The following PLOD2 variants were observed in gnomAD, a reference collection of about 807,000 sequenced individuals.
PLOD2 encodes the protein procollagen-lysine,2-oxoglutarate 5-dioxygenase 2.
In PLOD2, 65 loss-of-function variants were observed where a neutral mutation model predicts 101.0. The observed-to-expected ratio is 0.64, with a 90% CI of 0.53 to 0.79. The LOEUF (loss-of-function observed/expected upper bound fraction) is 0.79. Ranked by LOEUF, PLOD2 falls within the 30% of genes least tolerant of loss-of-function variation. The probability of loss-of-function intolerance (pLI) is 0.00; values close to 1 mark genes in which losing one functional copy is unlikely to be tolerated. For missense variants in PLOD2, 909 were observed against 914.6 expected (o/e 0.99, Z 0.08); for synonymous variants, 314 against 302.9 (o/e 1.04, Z -0.38).
chr3:146,095,564 C>T (rs1017542754), intron 7 of PLOD2, among the ~76,000 whole-genome samples: 5 of 152,110 alleles, frequency 3.3e-5, no homozygotes, highest in African/African-American at 1.2e-4. Flanking sequence ...ATAACGGATG[C>T]TGGTGAGGAT....
rs1254032852 is a variant in PLOD2 at position 146,086,859 on chromosome 3, T to C, written c.1055A>G (p.His352Arg). Reference protein sequence around the residue: ...DIKVFFDKAKHEIKTIKIVGP... With the variant: ...DIKVFFDKAKREIKTIKIVGP... Reference sequence around the variant, plus strand: ...TACTATTTTTATAGTTTTGATTTCATGCTTAGCTTTATCAAAAAATACCTT... The same window carrying C: ...TACTATTTTTATAGTTTTGATTTCACGCTTAGCTTTATCAAAAAATACCTT... The change falls in exon 10 of 20, where the codon CAT (histidine) becomes CGT (arginine). Residue 352 changes from histidine (H) to arginine (R), a missense_variant. Physicochemically the swap from His to Arg is conservative, Grantham distance 29. Transcript: ENST00000282903. 2.0e-6 allele frequency: 3 copies of C among 1,537,232 alleles called. No homozygotes were observed.
At chr3:146,127,993 G>A (rs1185385036) in intron 1 of PLOD2, among the ~76,000 whole-genome samples, 2 of 152,100 alleles carry the variant, frequency 1.3e-5, no homozygotes, top group Non-Finnish European at 2.9e-5. Flanking sequence ...TTCCTATAAA[G>A]ACAGAGTACA....
intron 2 of PLOD2, among the ~76,000 whole-genome samples, chr3:146,121,871 G>A (rs1287367980): frequency 2.6e-5 from 4 of 152,010 alleles, no homozygotes; most frequent in Non-Finnish European, 5.9e-5. Context: ...ATTTGCTTGA[G>A]CCTCAGCAGC....
intron 16 of PLOD2, 85 bp from the exon 17 acceptor site, chr3:146,072,750 A>T: frequency 1.2e-6 from 1 of 840,104 alleles, no homozygotes. Context: ...TGTGTAAAAT[A>T]AAAAATCCTG....
intron 3 of PLOD2, 76 bp downstream of exon 3, chr3:146,121,036 A>G: frequency 8.4e-7 from 1 of 1,188,534 alleles, no homozygotes; most frequent in South Asian, 1.2e-5. Flanking sequence ...TTAATACATC[A>G]TCTACAAATA....
chr3:146,136,666 G>A (rs954660893), intron 1 of PLOD2, among the ~76,000 whole-genome samples: 1 of 152,132 alleles, frequency 6.6e-6, no homozygotes, highest in Admixed American at 6.5e-5. Context: ...TATAGTAGCA[G>A]TCATAGCACA....
chr3:146,131,932 A>G (rs1443021675), intron 1 of PLOD2, among the ~76,000 whole-genome samples: 1 of 37,200 alleles, frequency 2.7e-5, no homozygotes, highest in African/African-American at 1.2e-4. Flanking sequence ...TTTCAACAAG[A>G]AAAAAAAAAC....
intron 1 of PLOD2, among the ~76,000 whole-genome samples, chr3:146,144,720 T>C (rs1328919759): frequency 2.6e-5 from 4 of 152,094 alleles, no homozygotes; most frequent in African/African-American, 9.7e-5. Context: ...GCTTGAAGAA[T>C]ATTCAATGCC....
rs1937606954 is a variant in PLOD2 at position 146,110,378 on chromosome 3, C to T, written c.409G>A (p.Val137Ile). The change falls in exon 4 of 20, where the codon GTC (valine) becomes ATC (isoleucine). Residue 137 changes from valine (V) to isoleucine (I), a missense_variant. Val to Ile is a conservative substitution (Grantham distance 29, BLOSUM62 3). Coordinates refer to ENST00000282903, the MANE Select transcript of PLOD2 (RefSeq NM_182943.3). ...CACAAAATTCCATCTGCTGCAAAGA[C>T]CACTTTGTGGTTTGCCTTTTGGAAT... ...KKFQKANHKVVFAADGILWPD... is the reference protein window; with the variant it reads ...KKFQKANHKVIFAADGILWPD... 5.0e-6 allele frequency: 8 copies of T among 1,613,448 alleles called. No homozygotes were observed. The highest frequency in any genetic ancestry group is 6.8e-6 in the Non-Finnish European group (8 of 1,179,606).
chr3:146,149,421 C>T (rs899685379), intron 1 of PLOD2, among the ~76,000 whole-genome samples: 1 of 151,898 alleles, frequency 6.6e-6, no homozygotes, highest in East Asian at 1.9e-4. Context: ...AAGTAGACTT[C>T]TTAGTTTATC....
At chr3:146,077,088 C>A (rs2108002288) in intron 14 of PLOD2, 193 bp from the exon 15 acceptor site, 1 of 1,271,358 alleles carries the variant, frequency 7.9e-7, no homozygotes, top group Non-Finnish European at 9.9e-7. Flanking sequence ...TCAGACACCA[C>A]ACAAAACTAG....
Position 146,110,328 on chromosome 3 carries a change from C to G in PLOD2, c.459G>C (p.Lys153Asn). 1 of 1,613,846 alleles carries G rather than the reference C, an allele frequency of 6.2e-7. No individual in the cohort carries two copies. Among genetic ancestry groups the G allele is most frequent in the Non-Finnish European group, 8.5e-7 (1 of 1,179,850 alleles). ...GTTTCCCAATGTGCACAACAGGATA[C>G]TTGTCTGCTAGTCTTTTATCTGGCC... ...ILWPDKRLAD[K>N]YPVVHIGKRY... The change falls in exon 4 of 20, where the codon AAG becomes AAC. Residue 153 changes from lysine (K) to asparagine (N), a missense_variant. Transcript: ENST00000282903.
At chr3:146,143,684 C>G (rs1232092687) in intron 1 of PLOD2, among the ~76,000 whole-genome samples, 1 of 152,086 alleles carries the variant, frequency 6.6e-6, no homozygotes, top group Non-Finnish European at 1.5e-5. Flanking sequence ...CTATATAATA[C>G]AGCCACCCTT....
intron 7 of PLOD2, among the ~76,000 whole-genome samples, chr3:146,096,078 G>A (rs1285303810): frequency 1.3e-5 from 2 of 150,078 alleles, no homozygotes; most frequent in African/African-American, 2.5e-5. Flanking sequence ...TGGTGGAGAC[G>A]GGGTTTCGCT....
intron 2 of PLOD2, among the ~76,000 whole-genome samples, chr3:146,122,015 T>C (rs954312482): frequency 6.6e-6 from 1 of 152,140 alleles, no homozygotes; most frequent in African/African-American, 2.4e-5. Context: ...GTTGCCATTA[T>C]AATGATCTAC....
intron 7 of PLOD2, among the ~76,000 whole-genome samples, chr3:146,095,235 A>G (rs1937108471): frequency 6.6e-6 from 1 of 152,174 alleles, no homozygotes; most frequent in Admixed American, 6.5e-5. Flanking sequence ...AATTAAACTA[A>G]GGAACTTCTG....
chr3:146,122,417 C>T (rs2030227069), intron 2 of PLOD2, among the ~76,000 whole-genome samples: 1 of 152,164 alleles, frequency 6.6e-6, no homozygotes, highest in Admixed American at 6.5e-5. Flanking sequence ...CTACTCTGTG[C>T]AATACACCAT....
chr3:146,113,739 T>C lies in PLOD2; in HGVS notation c.339-3291A>G, dbSNP rs9862265. 4.2e-3 allele frequency among the ~76,000 whole-genome samples: 638 copies of C among 152,242 alleles called. 2 individuals carry two copies. The highest frequency in any genetic ancestry group is 6.7e-3 in the Non-Finnish European group (459 of 68,010). ...ATGATTGCATTAACTGTGCAAATCG[T>C]TAGTAAATCATGTGTGTTTAAACAA... On this transcript the variant is annotated intron_variant, in intron 3 of 19. Coordinates refer to ENST00000282903, the MANE Select transcript of PLOD2 (RefSeq NM_182943.3).
Position 146,110,284 on chromosome 3 carries a change from C to A in PLOD2, c.502+1G>T. Reference sequence around the variant, plus strand: ...AACTTTTCTTCCAGTATCTAACTCACCTCCTGAATTCAGATAGCGTTTCCC... The same window carrying A: ...AACTTTTCTTCCAGTATCTAACTCAACTCCTGAATTCAGATAGCGTTTCCC... On this transcript the variant is annotated splice_donor_variant, in intron 4 of 19. Coordinates refer to ENST00000282903, the MANE Select transcript of PLOD2 (RefSeq NM_182943.3). LOFTEE classifies it high-confidence loss of function. 1 of 1,612,742 alleles carries A rather than the reference C, an allele frequency of 6.2e-7. No homozygotes were observed. The highest frequency in any genetic ancestry group is 8.5e-7 in the Non-Finnish European group (1 of 1,178,880).
Sources: allele counts gnomAD v4.1 joint callset (sites outside exome capture counted in the v4.1 genomes callset), GRCh38; gene constraint gnomAD v4.1.1; transcripts MANE v1.5; gene names NCBI Gene and HGNC (gene_info 2026-07-23, HGNC 2026-07-21).